TRPM3: variants seen among roughly 807,000 people sequenced by gnomAD.
TRPM3 encodes long transient receptor potential channel 3.
In TRPM3, 77 loss-of-function variants were observed where a neutral mutation model predicts 181.2. That is an observed-to-expected ratio of 0.42 (90% CI 0.35 to 0.51). TRPM3 has a LOEUF of 0.51. TRPM3 is among the 20% of genes least tolerant of loss of function. The pLI, the probability that TRPM3 is intolerant of heterozygous loss-of-function variation, is 0.01. For synonymous variants in TRPM3, 745 were observed against 796.4 expected (o/e 0.94, Z 1.09); for missense variants, 1,759 against 2,196.7 (o/e 0.80, Z 3.98).
At chr9:71,006,999 A>G (rs2097683446) in intron 1 of TRPM3, among the ~76,000 whole-genome samples, 1 of 128,214 alleles carries the variant, frequency 7.8e-6, no homozygotes, top group Non-Finnish European at 1.6e-5. Context: ...AGATAGTGCC[A>G]TTGCACTCCA....
At chr9:70,978,243 C>T (rs1384811597) in intron 1 of TRPM3, among the ~76,000 whole-genome samples, 1 of 152,182 alleles carries the variant, frequency 6.6e-6, no homozygotes, top group African/African-American at 2.4e-5. Flanking sequence ...CTAGCTGTAG[C>T]GCAGCTATGA....
chr9:71,395,360 C>A (rs2093165590), intron 1 of TRPM3, among the ~76,000 whole-genome samples: 1 of 152,172 alleles, frequency 6.6e-6, no homozygotes, highest in Non-Finnish European at 1.5e-5. Flanking sequence ...CCTATATCAC[C>A]TAGGAAAATG....
chr9:70,936,445 A>G (rs553600840), intron 1 of TRPM3, among the ~76,000 whole-genome samples: 1 of 152,318 alleles, frequency 6.6e-6, no homozygotes, highest in Non-Finnish European at 1.5e-5. Context: ...ATGTTTCATT[A>G]TCAACCCTTT....
chr9:71,372,436 T>A (rs1306912480), intron 1 of TRPM3, among the ~76,000 whole-genome samples: 1 of 152,208 alleles, frequency 6.6e-6, no homozygotes, highest in Admixed American at 6.5e-5. Flanking sequence ...TGAACTAATT[T>A]ACACTCCCAC....
At chr9:71,139,642 T>C (rs2074979423) in intron 1 of TRPM3, among the ~76,000 whole-genome samples, 1 of 152,196 alleles carries the variant, frequency 6.6e-6, no homozygotes, top group Admixed American at 6.5e-5. Context: ...ACATTAGAAT[T>C]ATTTTGTTCA....
Position 70,608,954 on chromosome 9 carries a change from A to ATTAT in TRPM3, c.2667+1651_2667+1654dup, listed in dbSNP as rs199525246. Among the ~76,000 whole-genome samples, 325 of 152,310 alleles carry ATTAT rather than the reference A, an allele frequency of 2.1e-3. 5 individuals are homozygous for ATTAT. In the East Asian group the frequency reaches 0.041, roughly 19 times the overall value. ...AGTAGGTGCTCAATAAAAGAAAGAT[A>ATTAT]TTATTTTTGTTGAGTGGATGTATGA... On this transcript the variant is annotated intron_variant, in intron 19 of 25. Coordinates refer to ENST00000677713, the MANE Select transcript of TRPM3 (RefSeq NM_001366145.2).
intron 1 of TRPM3, among the ~76,000 whole-genome samples, chr9:71,387,375 G>C (rs2132918442): frequency 6.6e-6 from 1 of 152,248 alleles, no homozygotes; most frequent in South Asian, 2.1e-4. Context: ...ATCTCTCTCA[G>C]GGAAGGACCT....
intron 1 of TRPM3, among the ~76,000 whole-genome samples, chr9:71,299,430 G>A (rs937423256): frequency 1.3e-5 from 2 of 151,442 alleles, no homozygotes; most frequent in East Asian, 3.9e-4. Flanking sequence ...TACAAATGAG[G>A]GAATTGAAAC....
chr9:70,918,136 A>G (rs537993964), intron 1 of TRPM3, among the ~76,000 whole-genome samples: 36 of 152,362 alleles, frequency 2.4e-4, no homozygotes, highest in African/African-American at 7.9e-4. Flanking sequence ...AGCAATGATT[A>G]TTAGAGCTAA....
chr9:70,756,935 G>A (rs1435769670), intron 8 of TRPM3, among the ~76,000 whole-genome samples: 1 of 152,042 alleles, frequency 6.6e-6, no homozygotes, highest in Non-Finnish European at 1.5e-5. Context: ...AACCAGAGAA[G>A]CAAGAGCAAA....
At chr9:70,619,519 TCCTCCCA>T (rs908207122) in intron 16 of TRPM3, among the ~76,000 whole-genome samples, 2 of 144,020 alleles carry the variant, frequency 1.4e-5, no homozygotes, top group East Asian at 2.2e-4. Context: ...GCTCAAGAGA[TCCTCCCA>T]CCTTAGCTTC....
chr9:71,423,446 G>A (rs1400517957), intron 1 of TRPM3, among the ~76,000 whole-genome samples: 5 of 152,060 alleles, frequency 3.3e-5, no homozygotes. Flanking sequence ...CATTTTCTGA[G>A]TAACCATTCC....
chr9:71,134,014 T>TGTGTGCGCGC (rs1554832860), intron 1 of TRPM3, among the ~76,000 whole-genome samples: 11 of 139,948 alleles, frequency 7.9e-5, no homozygotes, highest in Non-Finnish European at 1.3e-4. Context: ...TGTGTGTGTG[T>TGTGTGCGCGC]GCGCGTGCGC....
intron 6 of TRPM3, among the ~76,000 whole-genome samples, chr9:70,785,171 T>G (rs1206376067): frequency 6.6e-6 from 1 of 152,216 alleles, no homozygotes; most frequent in Non-Finnish European, 1.5e-5. Context: ...AAACATTTGT[T>G]GGATTCAGTT....
At chr9:70,554,295 T>G (rs552053508) in intron 22 of TRPM3, among the ~76,000 whole-genome samples, 2 of 152,292 alleles carry the variant, frequency 1.3e-5, no homozygotes, top group East Asian at 3.9e-4. Flanking sequence ...TCCAGCCCCC[T>G]ATAATGGCTT....
chr9:70,629,220 G>GGT (rs1554790202), intron 12 of TRPM3, among the ~76,000 whole-genome samples: 2 of 75,172 alleles, frequency 2.7e-5, no homozygotes, highest in Non-Finnish European at 5.9e-5. Flanking sequence ...AGTGCCGGGG[G>GGT]GGGGGGGGGC....
chr9:70,584,927 G>T (rs2132424034), intron 22 of TRPM3, among the ~76,000 whole-genome samples: 1 of 152,282 alleles, frequency 6.6e-6, no homozygotes, highest in East Asian at 1.9e-4. Flanking sequence ...GCAGAGTCAT[G>T]ACTGGGGAAA....
At chr9:70,747,072 A>C (rs939842251) in intron 8 of TRPM3, among the ~76,000 whole-genome samples, 2 of 152,220 alleles carry the variant, frequency 1.3e-5, no homozygotes, top group African/African-American at 4.8e-5. Flanking sequence ...TCATTCATTC[A>C]TTCACTCACT....
chr9:70,577,381 C>T (rs527724778), intron 22 of TRPM3, among the ~76,000 whole-genome samples: 1 of 152,338 alleles, frequency 6.6e-6, no homozygotes, highest in African/African-American at 2.4e-5. Context: ...CCAATTCAGC[C>T]TCTGCCACTT....
Sources: allele counts gnomAD v4.1 joint callset (sites outside exome capture counted in the v4.1 genomes callset), GRCh38; gene constraint gnomAD v4.1.1; transcripts MANE v1.5; gene names NCBI Gene and HGNC (gene_info 2026-07-23, HGNC 2026-07-21).